The following SHCBP1 variants were observed in gnomAD, a reference collection of about 807,000 sequenced individuals.
SHCBP1 encodes SHC binding and spindle associated 1.
In SHCBP1, 60 loss-of-function variants were observed where a neutral mutation model predicts 75.1. The ratio of observed to expected loss-of-function variants is 0.80; its 90% CI spans 0.65 to 0.99. The LOEUF (loss-of-function observed/expected upper bound fraction) is 0.99, where lower values mean the gene tolerates loss of function less well. Ranked by LOEUF, SHCBP1 falls within the 50% of genes least tolerant of loss-of-function variation. The pLI, the probability that SHCBP1 is intolerant of heterozygous loss-of-function variation, is 0.00. For synonymous variants in SHCBP1, 290 were observed against 293.2 expected, an observed-to-expected ratio of 0.99 and a Z score of 0.11; for missense variants, 709 against 809.4, an observed-to-expected ratio of 0.88 and a Z score of 1.50.
At chr16:46,583,069 T>A (rs1267835565) in intron 12 of SHCBP1, among the ~76,000 whole-genome samples, 1 of 152,026 alleles carries the variant, frequency 6.6e-6, no homozygotes, top group African/African-American at 2.4e-5. Context: ...AACTCCACTA[T>A]CCCCTCCAGG....
At chr16:46,621,236 G>GC in intron 1 of SHCBP1, 21 bp downstream of exon 1, 2 of 1,592,520 alleles carry the variant, frequency 1.3e-6, no homozygotes, top group Non-Finnish European at 1.7e-6. Context: ...CGGCTCCTCG[G>GC]CCCCGGCATG....
chr16:46,608,426 T>C (rs751574963), intron 4 of SHCBP1, 37 bp from the exon 5 acceptor site: 6 of 1,417,866 alleles, frequency 4.2e-6, no homozygotes, highest in Non-Finnish European at 6.0e-6. Context: ...ATTCTATCAC[T>C]GGCTCAAAAC....
At chr16:46,599,703 T>G in intron 9 of SHCBP1, 128 bp downstream of exon 9, 4 of 48,400 alleles carry the variant, frequency 8.3e-5, no homozygotes, top group Admixed American at 3.4e-4. Context: ...CTCAGCATCG[T>G]GAAGTGCAAT....
Position 46,583,524 on chromosome 16 carries a change from C to G in SHCBP1, c.1685G>C (p.Gly562Ala), listed in dbSNP as rs368639897. 55 of 1,594,488 alleles carry G rather than the reference C, an allele frequency of 3.4e-5. No individual in the cohort carries two copies. In the Middle Eastern group the frequency reaches 8.4e-4, roughly 24 times the overall value. Residue 562 changes from glycine (G) to alanine (A), a missense_variant, in exon 12 of 13, where the codon GGA becomes GCA. By Grantham distance (60) the Gly-to-Ala change is moderately conservative. Transcript: ENST00000303383. ...FSDLQENAED[G>A]TEENKALKIQ... ...AAAATTACTAAATATACCTTCAGTT[C>G]CATCTTCAGCATTTTCTTGCAGGTC... is the stretch of plus-strand genomic sequence containing the variant.
chr16:46,613,598 T>TAAC (rs2143001804), intron 4 of SHCBP1, among the ~76,000 whole-genome samples: 1 of 152,296 alleles, frequency 6.6e-6, no homozygotes, highest in African/African-American at 2.4e-5. Context: ...TTCACACAGC[T>TAAC]AACCCAAGTT....
chr16:46,620,004 T>G lies in SHCBP1; in HGVS notation c.103+1253A>C, dbSNP rs921851319. Among the ~76,000 whole-genome samples, 35 of 152,020 alleles carry G rather than the reference T, an allele frequency of 2.3e-4. 2 individuals are homozygous for G. Among genetic ancestry groups the G allele is most frequent in the Admixed American group, 2.2e-3 (33 of 15,250 alleles). On this transcript the variant is annotated intron_variant, in intron 1 of 12. Transcript: ENST00000303383. ...GAGCTGACATTGTGTGCCACTGCACTCCAGCCTGGGCAACAGAGTGAGACT... is the reference window on the plus strand; with the variant it reads ...GAGCTGACATTGTGTGCCACTGCACGCCAGCCTGGGCAACAGAGTGAGACT...
chr16:46,597,281 C>A (rs372095669), intron 9 of SHCBP1, among the ~76,000 whole-genome samples: 1 of 152,136 alleles, frequency 6.6e-6, no homozygotes, highest in Non-Finnish European at 1.5e-5. Context: ...TGATGGCACA[C>A]GCCTGTAGTC....
At position 46,621,289 on chromosome 16, in the gene SHCBP1, G is replaced by A. The variant is rs763486870; in HGVS notation, c.71C>T (p.Ala24Val). 3.7e-5 allele frequency: 59 copies of A among 1,610,572 alleles called. 2 individuals are homozygous for A. The highest frequency in any genetic ancestry group is 3.6e-4 in the South Asian group (33 of 90,978). The stretch of plus-strand genomic sequence containing the variant: ...CAGAGACGCCAGCTCCTGCTCCACC[G>A]CCCAGCCCATGCGCTCCGGCGCCAT... ...AAMAPERMGW[A>V]VEQELASLEK... The change falls in exon 1 of 13, where the codon GCG becomes GTG. Residue 24 changes from alanine (A) to valine (V), a missense_variant. Ala to Val is a moderately conservative substitution (Grantham distance 64). Transcript: ENST00000303383.
At chr16:46,592,227 G>A (rs146286483) in intron 10 of SHCBP1, among the ~76,000 whole-genome samples, 55 of 152,006 alleles carry the variant, frequency 3.6e-4, no homozygotes, top group Middle Eastern at 3.4e-3. Flanking sequence ...GTTCTCAAAA[G>A]AGAGAAGACA....
At position 46,581,913 on chromosome 16, in the gene SHCBP1, C is replaced by T. The variant is rs748336053; in HGVS notation, c.1835G>A (p.Cys612Tyr). ...TDPSEQVEGN[C>Y]EIVNELIAAS... ...AGCAATTAGTTCATTTACAATTTCACAATTTCCCTCGACTTGCTCAGAAGG... is the reference window on the plus strand; with the variant it reads ...AGCAATTAGTTCATTTACAATTTCATAATTTCCCTCGACTTGCTCAGAAGG... Residue 612 changes from cysteine to tyrosine, a missense_variant, in exon 13 of 13, where the codon TGT becomes TAT. Physicochemically the swap from Cys to Tyr is radical, Grantham distance 194. Coordinates refer to ENST00000303383, the MANE Select transcript of SHCBP1 (RefSeq NM_024745.5). 4 of 1,614,196 alleles carry T rather than the reference C, an allele frequency of 2.5e-6. No individual in the cohort carries two copies. Among genetic ancestry groups the T allele is most frequent in the Middle Eastern group, 1.6e-4 (1 of 6,062 alleles).
rs182006862 is a variant in SHCBP1 at position 46,595,408 on chromosome 16, C to T, written c.1464+144G>A. Reference sequence around the variant, plus strand: ...TTTGAAAATGCTACATGAGAAGACCCTTGCACAGTTGAGTTTGACTGACTT... The same window carrying T: ...TTTGAAAATGCTACATGAGAAGACCTTTGCACAGTTGAGTTTGACTGACTT... On this transcript the variant is annotated intron_variant, in intron 10 of 12. Coordinates refer to ENST00000303383, the MANE Select transcript of SHCBP1 (RefSeq NM_024745.5). 1.2e-4 allele frequency: 91 copies of T among 728,832 alleles called. No homozygotes were observed. The African/African-American group carries it at 1.5e-3, about 12-fold the overall frequency. The allele number at this position is 728,832 out of a possible 1,614,324, so 45.1% of individuals were successfully genotyped here. A position where few individuals can be genotyped will look rare whatever the true frequency, so the allele number is the denominator to read the frequency against.
chr16:46,602,867 G>A (rs1965263219), intron 8 of SHCBP1, among the ~76,000 whole-genome samples: 1 of 152,222 alleles, frequency 6.6e-6, no homozygotes, highest in South Asian at 2.1e-4. Context: ...CTGGCCTCAA[G>A]TGATCTGCCC....
At chr16:46,599,507 A>C (rs981185594) in intron 9 of SHCBP1, among the ~76,000 whole-genome samples, 2 of 151,980 alleles carry the variant, frequency 1.3e-5, no homozygotes, top group East Asian at 3.9e-4. Context: ...ACCCCAAAAC[A>C]ATTACAGTAG....
intron 4 of SHCBP1, among the ~76,000 whole-genome samples, chr16:46,614,173 T>C (rs1317085984): frequency 4.6e-5 from 7 of 152,098 alleles, no homozygotes; most frequent in Admixed American, 6.5e-5. Flanking sequence ...ATACTGAACA[T>C]CTAGGGTTAA....
chr16:46,621,329 G>A lies in SHCBP1; in HGVS notation c.31C>T (p.Leu11=). Reference sequence around the variant, plus strand: ...TCCGGCGCCATGGCCGCTGCCTCCAGACCGCCGCCCGTCAGCGACCCGTCA... The same window carrying A: ...TCCGGCGCCATGGCCGCTGCCTCCAAACCGCCGCCCGTCAGCGACCCGTCA... MADGSLTGGG[L]EAAAMAPERM... The change falls in exon 1 of 13, where the codon CTG becomes TTG. Residue 11 remains leucine (L), a synonymous_variant. Coordinates refer to ENST00000303383, the MANE Select transcript of SHCBP1 (RefSeq NM_024745.5). 1 of 1,611,420 alleles carries A rather than the reference G, an allele frequency of 6.2e-7. No homozygotes were observed. The highest frequency in any genetic ancestry group is 8.5e-7 in the Non-Finnish European group (1 of 1,179,214).
At chr16:46,607,320 C>T (rs997073401) in intron 5 of SHCBP1, among the ~76,000 whole-genome samples, 1 of 152,194 alleles carries the variant, frequency 6.6e-6, no homozygotes, top group Non-Finnish European at 1.5e-5. Context: ...CACTGCTGCA[C>T]TCCAGCCTGG....
At chr16:46,585,912 A>G (rs546377903) in intron 10 of SHCBP1, among the ~76,000 whole-genome samples, 1 of 152,308 alleles carries the variant, frequency 6.6e-6, no homozygotes, top group Admixed American at 6.5e-5. Flanking sequence ...TTGGGTATCA[A>G]TGAACGCCAA....
At chr16:46,610,395 A>G (rs1965391309) in intron 4 of SHCBP1, among the ~76,000 whole-genome samples, 1 of 151,948 alleles carries the variant, frequency 6.6e-6, no homozygotes, top group Admixed American at 6.6e-5. Flanking sequence ...CCAATCAGGC[A>G]CCAAATGAGG....
chr16:46,606,839 G>C (rs1187423361), intron 5 of SHCBP1, among the ~76,000 whole-genome samples: 1 of 130,772 alleles, frequency 7.6e-6, no homozygotes, highest in Non-Finnish European at 1.6e-5. Flanking sequence ...TTTTTTTTTT[G>C]AGACAAAGTC....
Sources: allele counts gnomAD v4.1 joint callset (sites outside exome capture counted in the v4.1 genomes callset), GRCh38; gene constraint gnomAD v4.1.1; transcripts MANE v1.5; gene names NCBI Gene and HGNC (gene_info 2026-07-23, HGNC 2026-07-21).